ELOA: variants seen among roughly 807,000 people sequenced by gnomAD.
The protein encoded by ELOA is elongin A.
ELOA carries 15 observed loss-of-function variants against 85.2 expected under a neutral mutation model. The observed-to-expected ratio is 0.18, with a 90% CI of 0.12 to 0.27. The LOEUF (loss-of-function observed/expected upper bound fraction) is 0.27, where lower values mean the gene tolerates loss of function less well. Ranked by LOEUF, ELOA falls within the 10% of genes least tolerant of loss-of-function variation. The probability of loss-of-function intolerance (pLI) is 1.00; values close to 1 mark genes in which losing one functional copy is unlikely to be tolerated. For missense variants in ELOA, 769 were observed against 952.7 expected (o/e 0.81, Z 2.54); for synonymous variants, 348 against 357.2 (o/e 0.97, Z 0.29).
At chr1:23,743,650 G>T (rs2124454697) in intron 1 of ELOA, 72 bp downstream of exon 1, 1 of 1,381,470 alleles carries the variant, frequency 7.2e-7, no homozygotes, top group African/African-American at 1.5e-5. Flanking sequence ...CGCGGCCCGA[G>T]CGTGGCGGGG....
At chr1:23,755,767 A>G in intron 7 of ELOA, 76 bp from the exon 8 acceptor site, 1 of 1,438,580 alleles carries the variant, frequency 7.0e-7, no homozygotes, top group South Asian at 1.4e-5. Context: ...ACGACAGAGC[A>G]AGACTCTGTC....
chr1:23,743,949 GC>G (rs1177335796), intron 1 of ELOA: 2 of 170,660 alleles, frequency 1.2e-5, no homozygotes, highest in African/African-American at 4.7e-5. Context: ...GCCTCCCGGT[GC>G]CTGCGCTGGT....
intron 1 of ELOA, among the ~76,000 whole-genome samples, chr1:23,743,827 G>A (rs951760158): frequency 3.9e-5 from 6 of 152,252 alleles, no homozygotes; most frequent in African/African-American, 7.2e-5. Flanking sequence ...GCCCGGTGCG[G>A]ACACCGCGTG....
chr1:23,756,495 GCTCTGGAGGCAGAC>G, intron 9 of ELOA, 110 bp downstream of exon 9: 1 of 917,454 alleles, frequency 1.1e-6, no homozygotes, highest in East Asian at 2.7e-5. Flanking sequence ...CAGACTGTGG[GCTCTGGAGGCAGAC>G]CTCATCAGCT....
intron 1 of ELOA, among the ~76,000 whole-genome samples, chr1:23,748,045 G>C (rs947958952): frequency 6.6e-6 from 1 of 152,232 alleles, no homozygotes; most frequent in African/African-American, 2.4e-5. Context: ...GGTTTGGCCA[G>C]TCATAACTTT....
intron 7 of ELOA, among the ~76,000 whole-genome samples, 169 bp from the exon 8 acceptor site, chr1:23,755,674 A>G (rs12091764): frequency 0.05 from 7,607 of 151,788 alleles, 592 homozygotes; most frequent in African/African-American, 0.17. Flanking sequence ...TGGCTACTTG[A>G]GAGGCTGAGG....
rs567850288 is a variant in ELOA, at chr1:23,746,376, GA to G, written c.76-2644del. Among the ~76,000 whole-genome samples the G allele has an allele frequency of 6.8e-3, 1,032 of 150,988 alleles. 13 individuals are homozygous for G. The highest frequency in any genetic ancestry group is 0.024 in the African/African-American group (969 of 41,100). On this transcript the variant is annotated intron_variant, in intron 1 of 10. Transcript: ENST00000613537. ...TAATCACAGCACTTTGGGAGGCCAA[GA>G]GGGGCGGATCATCTGAGGTCAAGAG... is the stretch of plus-strand genomic sequence containing the variant.
At chr1:23,749,474 A>G (rs1644759781) in intron 2 of ELOA, among the ~76,000 whole-genome samples, 1 of 152,240 alleles carries the variant, frequency 6.6e-6, no homozygotes, top group Non-Finnish European at 1.5e-5. Context: ...CTTTGGCATC[A>G]ATTAGTCCCA....
chr1:23,751,376 C>T lies in ELOA; in HGVS notation c.771C>T (p.Ala257=), dbSNP rs937017336. Residue 257 remains alanine (A), a synonymous_variant, in exon 4 of 11, where the codon GCC becomes GCT. Transcript: ENST00000613537. ...ACAAGGACAAACGCCCCGTGGATGC[C>T]AAGAGTGATGAGAAGGCCTCTGTGG... is the stretch of plus-strand genomic sequence containing the variant. ...SSHKDKRPVD[A]KSDEKASVVS... 2 of 1,614,040 alleles carry T rather than the reference C, an allele frequency of 1.2e-6. No individual in the cohort carries two copies. The highest frequency in any genetic ancestry group is 1.3e-5 in the African/African-American group (1 of 74,906).
chr1:23,758,608 C>A (rs938780140), intron 10 of ELOA, among the ~76,000 whole-genome samples: 2 of 147,722 alleles, frequency 1.4e-5, no homozygotes, highest in African/African-American at 5.0e-5. Context: ...TATCTAGTTG[C>A]GTCTATTTTG....
chr1:23,756,391 ATC>A lies in ELOA; in HGVS notation c.2084+8_2084+9del. On this transcript the variant is annotated splice_region_variant and intron_variant, in intron 9 of 10. Transcript: ENST00000613537. ...GCTGTCCCTGAGAAAATCAAGTAAG[ATC>A]TGTGTTCTTACCTGGCTTTTGTGTG... 6.4e-7 allele frequency: 1 copy of A among 1,562,248 alleles called. No individual in the cohort carries two copies. Among genetic ancestry groups the A allele is most frequent in the Non-Finnish European group, 8.7e-7 (1 of 1,152,334 alleles).
rs1184417521 is a variant in ELOA at position 23,743,590 on chromosome 1, G to A, written c.75+12G>A. On this transcript the variant is annotated intron_variant, in intron 1 of 10. Coordinates refer to ENST00000613537, the MANE Select transcript of ELOA (RefSeq NM_003198.3). ...CGGACCCTAAGAAGGTAAGCGAGGG[G>A]GCGGCGCGTAGCGGGATGGGCGTTG... 1.4e-6 allele frequency: 2 copies of A among 1,479,604 alleles called. No individual in the cohort carries two copies. The highest frequency in any genetic ancestry group is 8.9e-7 in the Non-Finnish European group (1 of 1,118,864). 91.7% of individuals were successfully genotyped at this position (1,479,604 alleles called of 1,614,324 possible). A position where few individuals can be genotyped will look rare whatever the true frequency, so the allele number is the denominator to read the frequency against.
chr1:23,746,715 T>C (rs1238373146), intron 1 of ELOA, among the ~76,000 whole-genome samples: 4 of 152,156 alleles, frequency 2.6e-5, no homozygotes, highest in Non-Finnish European at 5.9e-5. Context: ...TATTTTTTGC[T>C]TTTTTGGGTT....
Position 23,756,034 on chromosome 1 carries a change from CGGGAGAGCTGG to C in ELOA, c.1972+18_1972+28del. 6.2e-7 allele frequency: 1 copy of C among 1,609,016 alleles called. No individual in the cohort carries two copies. Among genetic ancestry groups the C allele is most frequent in the South Asian group, 1.1e-5 (1 of 90,782 alleles). ...CCAATAAGCCCAAAGGTAACAGAGA[CGGGAGAGCTGG>C]GGGAGAACTGGCAGGATGAGTGTTC... On this transcript the variant is annotated intron_variant, in intron 8 of 10. Coordinates refer to ENST00000613537, the MANE Select transcript of ELOA (RefSeq NM_003198.3).
Position 23,752,312 on chromosome 1 carries a change from C to G in ELOA, c.1426-95C>G. The G allele has an allele frequency of 3.3e-6, 4 of 1,223,926 alleles. No homozygotes were observed. The East Asian group carries it at 1.0e-4, about 30-fold the overall frequency. The allele number at this position is 1,223,926 out of a possible 1,614,324, so 75.8% of individuals were successfully genotyped here. On this transcript the variant is annotated intron_variant, in intron 4 of 10. Coordinates refer to ENST00000613537, the MANE Select transcript of ELOA (RefSeq NM_003198.3). Reference sequence around the variant, plus strand: ...CCCCTCCAACCTGGATCTTCCTGTGCAAGATGTCCAGTTAATGCTCCCGGG... The same window carrying G: ...CCCCTCCAACCTGGATCTTCCTGTGGAAGATGTCCAGTTAATGCTCCCGGG...
Position 23,743,687 on chromosome 1 carries a change from C to T in ELOA, c.75+109C>T, listed in dbSNP as rs560571710. On this transcript the variant is annotated intron_variant, in intron 1 of 10. Coordinates refer to ENST00000613537, the MANE Select transcript of ELOA (RefSeq NM_003198.3). ...TCGGGGGCTGGGACCCTGAGCCAGG[C>T]CCCGCGGGGCTGGGGTCGTGAAGTT... 7.4e-5 allele frequency: 94 copies of T among 1,262,938 alleles called. 2 individuals carry two copies. In the Middle Eastern group the frequency reaches 1.9e-3, roughly 25 times the overall value. The allele number at this position is 1,262,938 out of a possible 1,614,324, so 78.2% of individuals were successfully genotyped here.
intron 3 of ELOA, among the ~76,000 whole-genome samples, chr1:23,750,405 C>T (rs1450111037): frequency 6.6e-6 from 1 of 152,042 alleles, no homozygotes; most frequent in African/African-American, 2.4e-5. Context: ...TGGTTTTGAT[C>T]TCCTGACCTC....
intron 5 of ELOA, 130 bp downstream of exon 5, chr1:23,752,648 A>G: frequency 1.0e-6 from 1 of 1,000,164 alleles, no homozygotes; most frequent in South Asian, 1.5e-5. Context: ...CTTGCGGCCA[A>G]GGGTTCTAAA....
At chr1:23,747,892 G>A (rs1325796870) in intron 1 of ELOA, among the ~76,000 whole-genome samples, 1 of 152,184 alleles carries the variant, frequency 6.6e-6, no homozygotes, top group East Asian at 1.9e-4. Flanking sequence ...TATAGTCTGG[G>A]CCACACATGG....
Sources: gnomAD v4.1 joint callset for allele counts (sites outside exome capture counted in the v4.1 genomes callset) on GRCh38, gnomAD v4.1.1 for gene constraint, MANE v1.5 for transcripts, NCBI Gene and HGNC (gene_info 2026-07-23, HGNC 2026-07-21) for gene names.